ATG13: variants seen among roughly 807,000 people sequenced by gnomAD.
ATG13 encodes autophagy-related protein 13.
ATG13 carries 23 observed loss-of-function variants against 65.5 expected under a neutral mutation model. The ratio of observed to expected loss-of-function variants is 0.35; its 90% CI spans 0.25 to 0.50. ATG13 has a LOEUF of 0.50. ATG13 is among the 20% of genes least tolerant of loss of function. ATG13 has a pLI of 0.98. For synonymous variants in ATG13, 252 were observed against 245.2 expected, an observed-to-expected ratio of 1.03 and a Z score of -0.26; for missense variants, 566 against 677.0, an observed-to-expected ratio of 0.84 and a Z score of 1.82.
At chr11:46,646,970 G>A (rs1189966170) in intron 5 of ATG13, among the ~76,000 whole-genome samples, 1 of 152,086 alleles carries the variant, frequency 6.6e-6, no homozygotes, top group Admixed American at 6.5e-5. Flanking sequence ...ATGTTGCCCA[G>A]GCTGGTCTCA....
chr11:46,617,845 T>C lies in ATG13; in HGVS notation c.-115T>C. ...GGCTGGTCGGTCCCAGGTCCCGGCCTCCGTAATGAGAGCCCGGAACCACTC... is the reference window on the plus strand; with the variant it reads ...GGCTGGTCGGTCCCAGGTCCCGGCCCCCGTAATGAGAGCCCGGAACCACTC... On this transcript the variant is annotated 5_prime_UTR_variant, in exon 1 of 19. Coordinates refer to ENST00000683050, the MANE Select transcript of ATG13 (RefSeq NM_001346311.2). 1 of 399,134 alleles carries C rather than the reference T, an allele frequency of 2.5e-6. No homozygotes were observed. Among genetic ancestry groups the C allele is most frequent in the Non-Finnish European group, 4.4e-6 (1 of 226,150 alleles). The allele number at this position is 399,134 out of a possible 1,614,324, so 24.7% of individuals were successfully genotyped here. A position where few individuals can be genotyped will look rare whatever the true frequency, so the allele number is the denominator to read the frequency against.
chr11:46,672,114 C>T, intron 18 of ATG13, 141 bp from the exon 19 acceptor site: 2 of 1,320,578 alleles, frequency 1.5e-6, no homozygotes, highest in South Asian at 2.6e-5. Flanking sequence ...GCCTACGCAG[C>T]TGCCCTGCGT....
intron 7 of ATG13, among the ~76,000 whole-genome samples, chr11:46,654,589 G>C (rs1312200660): frequency 1.3e-5 from 2 of 151,336 alleles, no homozygotes. Flanking sequence ...GGGTGTGGTG[G>C]CACGTGCCTG....
At chr11:46,659,257 T>C in intron 10 of ATG13, 135 bp from the exon 11 acceptor site, 2 of 635,650 alleles carry the variant, frequency 3.1e-6, no homozygotes, top group East Asian at 5.5e-5. Context: ...GGACTCCACA[T>C]GCCTTTCTTG....
At chr11:46,636,777 G>GT (rs909613082) in intron 2 of ATG13, among the ~76,000 whole-genome samples, 132 of 147,390 alleles carry the variant, frequency 9.0e-4, no homozygotes, top group East Asian at 1.4e-3. Flanking sequence ...AGTTGATACA[G>GT]TTTTTTTTTT....
At chr11:46,634,216 C>T (rs1213940519) in intron 2 of ATG13, among the ~76,000 whole-genome samples, 4 of 151,790 alleles carry the variant, frequency 2.6e-5, no homozygotes, top group African/African-American at 9.7e-5. Context: ...CTGTCTCAGC[C>T]TCCTCAGTAG....
rs1555043957 is a variant in ATG13, at chr11:46,622,125, ATATT to A, written c.-70+4241_-70+4244del. ...TATATATATATATATATATATATAT[ATATT>A]TATTTTAGAGATGGTATTTGCCCTG... On this transcript the variant is annotated intron_variant, in intron 1 of 18. Transcript: ENST00000683050. Among the ~76,000 whole-genome samples the A allele has an allele frequency of 1.1e-3, 85 of 79,034 alleles. 5 individuals carry two copies. In the East Asian group the frequency reaches 0.025, roughly 23 times the overall value. 51.8% of individuals were successfully genotyped at this position (79,034 alleles called of 152,430 possible).
intron 2 of ATG13, among the ~76,000 whole-genome samples, chr11:46,631,186 A>G (rs2051602667): frequency 6.6e-6 from 1 of 152,188 alleles, no homozygotes; most frequent in South Asian, 2.1e-4. Context: ...ATATGTATGT[A>G]TGTATGTAAG....
At chr11:46,621,495 T>C (rs2047494650) in intron 1 of ATG13, among the ~76,000 whole-genome samples, 1 of 152,160 alleles carries the variant, frequency 6.6e-6, no homozygotes, top group African/African-American at 2.4e-5. Context: ...TTTCTACCTG[T>C]TTCTTGGGGT....
At chr11:46,625,961 C>G (rs566864210) in intron 1 of ATG13, among the ~76,000 whole-genome samples, 75 of 152,032 alleles carry the variant, frequency 4.9e-4, no homozygotes, top group Non-Finnish European at 7.8e-4. Context: ...TTGTTTCTTT[C>G]GTTTGTTTGT....
intron 7 of ATG13, among the ~76,000 whole-genome samples, chr11:46,651,603 T>C (rs938535792): frequency 1.3e-5 from 2 of 152,210 alleles, no homozygotes; most frequent in Non-Finnish European, 2.9e-5. Flanking sequence ...GCCTTACATG[T>C]ATAGAGCTGA....
At chr11:46,621,135 C>T (rs565860121) in intron 1 of ATG13, 2 of 152,342 alleles carry the variant, frequency 1.3e-5, no homozygotes, top group South Asian at 4.1e-4. Flanking sequence ...CTGCCTCAGC[C>T]TCCTGAGTAA....
Position 46,617,556 on chromosome 11 carries a change from C to T in ATG13, c.-404C>T, listed in dbSNP as rs2045692597. On this transcript the variant is annotated 5_prime_UTR_variant, in exon 1 of 19. Coordinates refer to ENST00000683050, the MANE Select transcript of ATG13 (RefSeq NM_001346311.2). ...CCCTCTTTCACCCCCCCCCCCCGGC[C>T]ATTACCGAAGCGGATGAAAACAAAC... 1 of 208,746 alleles carries T rather than the reference C, an allele frequency of 4.8e-6. No homozygotes were observed. The highest frequency in any genetic ancestry group is 6.0e-5 in the Admixed American group (1 of 16,578). The allele number at this position is 208,746 out of a possible 1,614,324, so 12.9% of individuals were successfully genotyped here.
chr11:46,635,007 T>G (rs1271263203), intron 2 of ATG13, among the ~76,000 whole-genome samples: 1 of 147,670 alleles, frequency 6.8e-6, no homozygotes, highest in Non-Finnish European at 1.5e-5. Flanking sequence ...GGCCTAGGTT[T>G]TTTTTGTTTT....
chr11:46,627,500 T>G (rs532806220), intron 1 of ATG13, among the ~76,000 whole-genome samples: 5 of 152,230 alleles, frequency 3.3e-5, no homozygotes, highest in African/African-American at 1.2e-4. Context: ...GAAGAAGTTT[T>G]GCTCTTGTTG....
At chr11:46,624,514 CACTG>C (rs2135713841) in intron 1 of ATG13, among the ~76,000 whole-genome samples, 1 of 150,442 alleles carries the variant, frequency 6.6e-6, no homozygotes, top group African/African-American at 2.4e-5. Context: ...TCTTTTATAA[CACTG>C]ACGTTTTTGA....
chr11:46,617,578 A>T lies in ATG13; in HGVS notation c.-382A>T. 1 of 162,146 alleles carries T rather than the reference A, an allele frequency of 6.2e-6. No homozygotes were observed. The highest frequency in any genetic ancestry group is 2.5e-4 in the South Asian group (1 of 4,046). 10.0% of individuals were successfully genotyped at this position (162,146 alleles called of 1,614,324 possible). A position where few individuals can be genotyped will look rare whatever the true frequency, so the allele number is the denominator to read the frequency against. ...GGCCATTACCGAAGCGGATGAAAAC[A>T]AACACTAACGATGGCGGCGCCGGGA... On this transcript the variant is annotated 5_prime_UTR_variant, in exon 1 of 19. Transcript: ENST00000683050.
At chr11:46,620,586 G>A (rs1292995595) in intron 1 of ATG13, among the ~76,000 whole-genome samples, 1 of 151,632 alleles carries the variant, frequency 6.6e-6, no homozygotes, top group Non-Finnish European at 1.5e-5. Context: ...GACTAGCTTG[G>A]GCAACATGGA....
intron 2 of ATG13, among the ~76,000 whole-genome samples, chr11:46,640,364 G>T (rs1307114815): frequency 6.6e-6 from 1 of 152,172 alleles, no homozygotes; most frequent in African/African-American, 2.4e-5. Flanking sequence ...TAAAAAATAG[G>T]TTCCATCAGA....
Sources: allele counts gnomAD v4.1 joint callset (sites outside exome capture counted in the v4.1 genomes callset), GRCh38; gene constraint gnomAD v4.1.1; transcripts MANE v1.5; gene names NCBI Gene and HGNC (gene_info 2026-07-23, HGNC 2026-07-21).